Variants in ARMC2 observed in about 807,000 individuals in gnomAD.
ARMC2 encodes armadillo repeat containing 2, also known as armadillo repeat-containing protein 2.
A neutral mutation model predicts 90.3 loss-of-function variants in ARMC2; 67 were observed. The observed-to-expected ratio is 0.74, with a 90% CI of 0.61 to 0.91. The LOEUF is 0.91. Among genes scored for constraint, ARMC2 ranks in the 40% least tolerant of loss-of-function variants. ARMC2 has a pLI of 0.00. For synonymous variants in ARMC2, 393 were observed against 393.0 expected (o/e 1.00, Z 0.00); for missense variants, 920 against 1,030.9 (o/e 0.89, Z 1.47).
chr6:108,918,250 A>G (rs1462730984), intron 10 of ARMC2, among the ~76,000 whole-genome samples: 3 of 152,110 alleles, frequency 2.0e-5, no homozygotes, highest in Admixed American at 2.0e-4. Flanking sequence ...ATGAAGGGCA[A>G]TGTACAAGAG....
At chr6:108,986,974 T>C in the ARMC2 span, 1 of 152,666 alleles carries the variant, frequency 6.6e-6, no homozygotes, top group Non-Finnish European at 1.5e-5. Flanking sequence ...GCTGTGTGAG[T>C]AGGAATTCTA....
In ARMC2 at chr6:108,876,319, A is replaced by G; in HGVS notation, c.640A>G (p.Thr214Ala). 6.2e-7 allele frequency: 1 copy of G among 1,612,600 alleles called. No individual in the cohort carries two copies. Among genetic ancestry groups the G allele is most frequent in the East Asian group, 2.2e-5 (1 of 44,812 alleles). ...IKEQEMFKGT[T>A]SLPSHLKNGG... Reference sequence around the variant, plus strand: ...GGAGCAAGAAATGTTCAAAGGAACAACATCTTTACCATCTCATCTCAAGAA... The same window carrying G: ...GGAGCAAGAAATGTTCAAAGGAACAGCATCTTTACCATCTCATCTCAAGAA... Residue 214 changes from threonine to alanine, a missense_variant, in exon 5 of 18, where the codon ACA becomes GCA. Coordinates refer to ENST00000392644, the MANE Select transcript of ARMC2 (RefSeq NM_032131.6).
chr6:109,038,966 G>A, the ARMC2 span, among the ~76,000 whole-genome samples: 1 of 147,646 alleles, frequency 6.8e-6, no homozygotes, highest in Non-Finnish European at 1.5e-5. Context: ...GAAGGGAGAA[G>A]AAGGAAAAGA....
intron 17 of ARMC2, among the ~76,000 whole-genome samples, chr6:108,969,807 C>T (rs931780222): frequency 3.9e-5 from 6 of 152,032 alleles, no homozygotes; most frequent in Non-Finnish European, 8.8e-5. Flanking sequence ...TTTGGGAGGA[C>T]GAGGTGGGAG....
At chr6:108,945,052 T>G (rs2806356) in intron 12 of ARMC2, among the ~76,000 whole-genome samples, 5 of 152,052 alleles carry the variant, frequency 3.3e-5, no homozygotes, top group Non-Finnish European at 7.4e-5. Flanking sequence ...AGGTAAAATA[T>G]CTATTAAAAA....
chr6:109,013,879 A>G, the ARMC2 span, among the ~76,000 whole-genome samples: 1 of 152,116 alleles, frequency 6.6e-6, no homozygotes, highest in Non-Finnish European at 1.5e-5. Context: ...CCTCCAGCTC[A>G]TATCTTCCTG....
At chr6:108,898,269 TTC>T (rs1157315334) in intron 6 of ARMC2, among the ~76,000 whole-genome samples, 1 of 152,192 alleles carries the variant, frequency 6.6e-6, no homozygotes, top group African/African-American at 2.4e-5. Context: ...CTCTCTGTCT[TTC>T]TCTGTCTCTT....
rs898502328 is a variant in ARMC2, at chr6:108,889,248, C to T, written c.672-5219C>T. On this transcript the variant is annotated intron_variant, in intron 5 of 17. Transcript: ENST00000392644. ...GCAACTTCTGCCCCCTGGGTTCAAG[C>T]GATTCTCCTGCCTCAGCCTCCTGAG... Among the ~76,000 whole-genome samples, 14 of 152,160 alleles carry T rather than the reference C, an allele frequency of 9.2e-5. 1 individual carries two copies. In the South Asian group the frequency reaches 1.2e-3, roughly 14 times the overall value.
At chr6:108,902,714 A>G (rs529067488) in intron 7 of ARMC2, among the ~76,000 whole-genome samples, 2 of 152,128 alleles carry the variant, frequency 1.3e-5, no homozygotes, top group South Asian at 4.1e-4. Flanking sequence ...CACTTCCTCT[A>G]TGTGGGCTTC....
chr6:108,878,781 T>C lies in ARMC2; in HGVS notation c.671+2431T>C, dbSNP rs74982130. 4.2e-3 allele frequency among the ~76,000 whole-genome samples: 642 copies of C among 152,324 alleles called. 3 individuals are homozygous for C. The highest frequency in any genetic ancestry group is 0.015 in the African/African-American group (603 of 41,576). On this transcript the variant is annotated intron_variant, in intron 5 of 17. Coordinates refer to ENST00000392644, the MANE Select transcript of ARMC2 (RefSeq NM_032131.6). Reference sequence around the variant, plus strand: ...CCCATTTAGGGATTCATTTAAGGTCTGGCAGACTTGCTCCTCAGGAATACT... The same window carrying C: ...CCCATTTAGGGATTCATTTAAGGTCCGGCAGACTTGCTCCTCAGGAATACT...
chr6:108,940,100 A>G lies in ARMC2; in HGVS notation c.1596+3101A>G, dbSNP rs142683867. On this transcript the variant is annotated intron_variant, in intron 12 of 17. Coordinates refer to ENST00000392644, the MANE Select transcript of ARMC2 (RefSeq NM_032131.6). Reference sequence around the variant, plus strand: ...GCTTTTTTGCAATTATTTGTTTGCAATTAGCAAGGGAACCTCATAACCAAG... The same window carrying G: ...GCTTTTTTGCAATTATTTGTTTGCAGTTAGCAAGGGAACCTCATAACCAAG... 2.0e-3 allele frequency among the ~76,000 whole-genome samples: 305 copies of G among 152,220 alleles called. 2 individuals carry two copies. The highest frequency in any genetic ancestry group is 3.1e-3 in the Non-Finnish European group (209 of 68,010).
intron 8 of ARMC2, among the ~76,000 whole-genome samples, chr6:108,906,653 T>TA (rs1239419834): frequency 6.6e-6 from 1 of 152,098 alleles, no homozygotes; most frequent in East Asian, 1.9e-4. Context: ...GGCTAATTTT[T>TA]AAAAAATGTT....
chr6:108,899,311 A>G (rs1033162690), intron 6 of ARMC2, among the ~76,000 whole-genome samples: 1 of 152,194 alleles, frequency 6.6e-6, no homozygotes, highest in Non-Finnish European at 1.5e-5. Flanking sequence ...AAAATTTTTC[A>G]TTACACATTT....
At chr6:108,925,743 T>G (rs2754821) in intron 10 of ARMC2, among the ~76,000 whole-genome samples, 113,793 of 152,102 alleles carry the variant, frequency 0.75, 42,855 homozygotes, top group Middle Eastern at 0.82. Context: ...TTGCTGTGTA[T>G]TTTTCAAATG....
At position 108,967,249 on chromosome 6, in the gene ARMC2, C is replaced by G. The variant is rs561934921; in HGVS notation, c.2446+2109C>G. ...CCACTCCAGGAGAAGATATGATTGG[C>G]TCAGTGAGTCACTGTCCTATGGCCC... On this transcript the variant is annotated intron_variant, in intron 17 of 17. Transcript: ENST00000392644. Among the ~76,000 whole-genome samples the G allele has an allele frequency of 3.9e-5, 6 of 152,326 alleles. No individual in the cohort carries two copies. In the South Asian group the frequency reaches 1.2e-3, roughly 32 times the overall value.
chr6:108,976,417 A>G (rs564588114), downstream of ARMC2, among the ~76,000 whole-genome samples: 49 of 152,174 alleles, frequency 3.2e-4, no homozygotes, highest in African/African-American at 1.1e-3. Context: ...GCCTTGTAGT[A>G]TAGTTTGAAG....
chr6:108,906,414 A>C (rs1221224229), intron 8 of ARMC2, among the ~76,000 whole-genome samples: 1 of 152,120 alleles, frequency 6.6e-6, no homozygotes, highest in African/African-American at 2.4e-5. Context: ...AAATAGAATA[A>C]ACTACTGTTT....
chr6:108,857,262 C>T (rs1774732703), intron 2 of ARMC2, among the ~76,000 whole-genome samples: 1 of 152,076 alleles, frequency 6.6e-6, no homozygotes, highest in Non-Finnish European at 1.5e-5. Flanking sequence ...TATAGCTTTC[C>T]TCATCTAGAT....
intron 6 of ARMC2, among the ~76,000 whole-genome samples, chr6:108,897,651 G>A (rs1771731983): frequency 6.6e-6 from 1 of 152,118 alleles, no homozygotes; most frequent in Non-Finnish European, 1.5e-5. Flanking sequence ...GGGAAGGCCT[G>A]TGTGTTGGGT....
Sources: allele counts gnomAD v4.1 joint callset (sites outside exome capture counted in the v4.1 genomes callset), GRCh38; gene constraint gnomAD v4.1.1; transcripts MANE v1.5; gene names NCBI Gene and HGNC (gene_info 2026-07-23, HGNC 2026-07-21).